COL26A1: variants seen among roughly 807,000 people sequenced by gnomAD.
COL26A1 encodes the protein collagen alpha-1(XXVI) chain.
A neutral mutation model predicts 59.3 loss-of-function variants in COL26A1; 41 were observed. The observed-to-expected ratio is 0.69, with a 90% CI of 0.54 to 0.90. COL26A1 has a LOEUF of 0.90. Among genes scored for constraint, COL26A1 ranks in the 40% least tolerant of loss-of-function variants. The pLI is 0.00. For missense variants in COL26A1, 612 were observed against 602.3 expected (o/e 1.02, Z -0.17); for synonymous variants, 266 against 256.0 (o/e 1.04, Z -0.37).
chr7:101,437,365 G>A (rs1792940352), intron 2 of COL26A1, among the ~76,000 whole-genome samples: 1 of 151,622 alleles, frequency 6.6e-6, no homozygotes, highest in Non-Finnish European at 1.5e-5. Context: ...GGCCAGTGGA[G>A]TCCTGAATGG....
In COL26A1 at chr7:101,558,913, A is replaced by T. The variant is rs937213282; in HGVS notation, c.*1383A>T. On this transcript the variant is annotated 3_prime_UTR_variant, in exon 13 of 13. Transcript: ENST00000313669. ...CCCTGGGATCTTCTTCTGGCCCTTG[A>T]GGCAGGTCTGGAGAGGCAGTCTCTG... 3 of 152,310 alleles carry T rather than the reference A, an allele frequency of 2.0e-5. No homozygotes were observed. Among genetic ancestry groups the T allele is most frequent in the Admixed American group, 6.6e-5 (1 of 15,266 alleles). The allele number at this position is 152,310 out of a possible 1,614,324, so 9.4% of individuals were successfully genotyped here.
intron 1 of COL26A1, among the ~76,000 whole-genome samples, chr7:101,414,403 T>TCG (rs1294787432): frequency 6.0e-5 from 9 of 149,180 alleles, no homozygotes; most frequent in Admixed American, 2.7e-4. Context: ...TCTCTCTCTC[T>TCG]CTCGCTCGCT....
Position 101,557,680 on chromosome 7 carries a change from T to C in COL26A1, c.*150T>C. ...TGGGGGGCTTTGGGGACAGATAATG[T>C]CTCCAGGGGCAGGGTCTGGAGGGGC... On this transcript the variant is annotated 3_prime_UTR_variant, in exon 13 of 13. Coordinates refer to ENST00000313669, the MANE Select transcript of COL26A1 (RefSeq NM_001278563.3). The C allele has an allele frequency of 1.3e-6, 1 of 786,694 alleles. No individual in the cohort carries two copies. Among genetic ancestry groups the C allele is most frequent in the Non-Finnish European group, 1.9e-6 (1 of 514,634 alleles). The allele number at this position is 786,694 out of a possible 1,614,324, so 48.7% of individuals were successfully genotyped here. A position where few individuals can be genotyped will look rare whatever the true frequency, so the allele number is the denominator to read the frequency against.
At chr7:101,536,465 G>A (rs568697876) in intron 4 of COL26A1, among the ~76,000 whole-genome samples, 5 of 152,346 alleles carry the variant, frequency 3.3e-5, no homozygotes, top group South Asian at 2.1e-4. Context: ...GCCAGGACAC[G>A]GAGCTGGGTT....
intron 3 of COL26A1, among the ~76,000 whole-genome samples, chr7:101,495,228 G>A (rs536994492): frequency 2.4e-4 from 36 of 152,290 alleles, no homozygotes; most frequent in African/African-American, 8.7e-4. Context: ...GCCTGAGGCA[G>A]CCAGGATGTC....
chr7:101,407,775 A>G (rs1792161691), intron 1 of COL26A1, among the ~76,000 whole-genome samples: 1 of 152,068 alleles, frequency 6.6e-6, no homozygotes, highest in African/African-American at 2.4e-5. Context: ...CCCAGAAGTT[A>G]CAGCCCCTTT....
At chr7:101,365,014 G>A (rs771025256) in intron 1 of COL26A1, among the ~76,000 whole-genome samples, 1 of 152,170 alleles carries the variant, frequency 6.6e-6, no homozygotes, top group Non-Finnish European at 1.5e-5. Context: ...AGACAGGGAT[G>A]TTTCATGCTG....
intron 4 of COL26A1, among the ~76,000 whole-genome samples, chr7:101,539,469 G>A (rs1173451569): frequency 6.6e-6 from 1 of 152,080 alleles, no homozygotes; most frequent in East Asian, 1.9e-4. Flanking sequence ...GGGACTGCAG[G>A]CGTGTGCCAC....
chr7:101,516,343 C>G (rs1046370308), intron 3 of COL26A1, among the ~76,000 whole-genome samples: 4 of 152,016 alleles, frequency 2.6e-5, no homozygotes, highest in Non-Finnish European at 5.9e-5. Context: ...ATAGTCATAG[C>G]TCACTGCAGC....
intron 2 of COL26A1, among the ~76,000 whole-genome samples, chr7:101,441,537 C>T (rs1778152101): frequency 1.3e-5 from 2 of 152,056 alleles, no homozygotes; most frequent in Admixed American, 6.6e-5. Context: ...AGGCTGGTCT[C>T]GAACTCCTGG....
chr7:101,397,713 G>T (rs1417183124), intron 1 of COL26A1, among the ~76,000 whole-genome samples: 2 of 151,810 alleles, frequency 1.3e-5, no homozygotes, highest in African/African-American at 2.4e-5. Flanking sequence ...ATTTTTTGTT[G>T]TTTGCAGAGA....
chr7:101,371,115 C>T (rs1434719863), intron 1 of COL26A1, among the ~76,000 whole-genome samples: 2 of 152,196 alleles, frequency 1.3e-5, no homozygotes, highest in Non-Finnish European at 2.9e-5. Context: ...AAATGTGAGC[C>T]GCTCCAGGTC....
At chr7:101,516,896 C>T (rs542331369) in intron 3 of COL26A1, among the ~76,000 whole-genome samples, 1 of 152,234 alleles carries the variant, frequency 6.6e-6, no homozygotes, top group African/African-American at 2.4e-5. Flanking sequence ...TAAGAAAGAG[C>T]CAGATCGTGT....
Position 101,544,106 on chromosome 7 carries a change from C to A in COL26A1, c.703+10C>A, listed in dbSNP as rs1353997325. On this transcript the variant is annotated intron_variant, in intron 6 of 12. Transcript: ENST00000313669. ...CCAGCGGGGCCGCCTGGTAAGAAAA[C>A]CCCCCACATATGTGATGTTGTCAAC... 3 of 1,586,260 alleles carry A rather than the reference C, an allele frequency of 1.9e-6. No individual in the cohort carries two copies. Among genetic ancestry groups the A allele is most frequent in the Non-Finnish European group, 2.6e-6 (3 of 1,164,210 alleles).
intron 1 of COL26A1, among the ~76,000 whole-genome samples, chr7:101,384,260 G>A (rs1486054087): frequency 5.0e-4 from 65 of 130,842 alleles, no homozygotes; most frequent in East Asian, 2.3e-4. Context: ...TTTTTAAGAC[G>A]GAGTCTCACT....
intron 1 of COL26A1, among the ~76,000 whole-genome samples, chr7:101,367,969 C>G (rs966176720): frequency 8.0e-6 from 1 of 125,342 alleles, no homozygotes; most frequent in South Asian, 2.5e-4. Flanking sequence ...ACACCACTGT[C>G]TACAAGTCTC....
chr7:101,523,665 G>A (rs572486275), intron 3 of COL26A1, among the ~76,000 whole-genome samples: 6 of 152,032 alleles, frequency 3.9e-5, no homozygotes, highest in African/African-American at 1.4e-4. Flanking sequence ...CTGCATTTGC[G>A]CCTTTTTCAT....
At chr7:101,515,127 C>G (rs1463651149) in intron 3 of COL26A1, among the ~76,000 whole-genome samples, 3 of 152,112 alleles carry the variant, frequency 2.0e-5, no homozygotes, top group African/African-American at 7.2e-5. Context: ...GTCTGGGTGC[C>G]GATAAACAAG....
intron 3 of COL26A1, among the ~76,000 whole-genome samples, chr7:101,498,074 T>C (rs1794626670): frequency 2.0e-5 from 3 of 152,104 alleles, no homozygotes; most frequent in African/African-American, 2.4e-5. Flanking sequence ...AAAAAGCCAA[T>C]TGGTCATTTC....
Sources: gnomAD v4.1 joint callset for allele counts (sites outside exome capture counted in the v4.1 genomes callset) on GRCh38, gnomAD v4.1.1 for gene constraint, MANE v1.5 for transcripts, NCBI Gene and HGNC (gene_info 2026-07-23, HGNC 2026-07-21) for gene names.